The following ENTPD1 variants were observed in gnomAD, a reference collection of about 807,000 sequenced individuals.
ENTPD1 encodes the protein ATP diphosphohydrolase.
In ENTPD1, 33 loss-of-function variants were observed where a neutral mutation model predicts 57.0. That is an observed-to-expected ratio of 0.58 (90% confidence interval 0.44 to 0.77). The LOEUF is 0.77. Ranked by LOEUF, ENTPD1 falls within the 30% of genes least tolerant of loss-of-function variation. The pLI, the probability that ENTPD1 is intolerant of heterozygous loss-of-function variation, is 0.00. For synonymous variants in ENTPD1, 202 were observed against 218.8 expected (o/e 0.92, Z 0.68); for missense variants, 501 against 603.4 (o/e 0.83, Z 1.78).
At chr10:95,814,402 C>T (rs999628794) in intron 1 of ENTPD1, among the ~76,000 whole-genome samples, 3 of 151,740 alleles carry the variant, frequency 2.0e-5, no homozygotes, top group Admixed American at 2.0e-4. Flanking sequence ...TTGATTTTTG[C>T]GATCATTAAC....
chr10:95,768,835 C>T (rs1366067969), intron 1 of ENTPD1, among the ~76,000 whole-genome samples: 2 of 152,128 alleles, frequency 1.3e-5, no homozygotes. Flanking sequence ...TAATCTAAGG[C>T]CTTATCCTTG....
rs1181821025 is a variant in ENTPD1 at position 95,869,267 on chromosome 10, T to G, written c.*2884T>G. The G allele has an allele frequency of 1.7e-6, 1 of 603,574 alleles. No individual in the cohort carries two copies. The highest frequency in any genetic ancestry group is 3.1e-5 in the African/African-American group (1 of 31,966). The allele number at this position is 603,574 out of a possible 1,614,324, so 37.4% of individuals were successfully genotyped here. A position where few individuals can be genotyped will look rare whatever the true frequency, so the allele number is the denominator to read the frequency against. On this transcript the variant is annotated 3_prime_UTR_variant, in exon 10 of 10. Coordinates refer to ENST00000371205, the MANE Select transcript of ENTPD1 (RefSeq NM_001776.6). ...TTTTTTTTTTTTTTTTTTTTTTTTT[T>G]GAGAGAGAGTCTCACTCCATTGCCC...
At chr10:95,705,584 C>T in the ENTPD1 span, among the ~76,000 whole-genome samples, 12 of 152,076 alleles carry the variant, frequency 7.9e-5, no homozygotes, top group East Asian at 1.9e-4. Flanking sequence ...CTCCACCTCC[C>T]GGGTTCAAGC....
chr10:95,875,367 T>A lies in ENTPD1; in HGVS notation c.*8984T>A, dbSNP rs1262034476. The A allele has an allele frequency of 6.6e-6, 1 of 152,268 alleles. No homozygotes were observed. Among genetic ancestry groups the A allele is most frequent in the Non-Finnish European group, 1.5e-5 (1 of 68,114 alleles). 9.4% of individuals were successfully genotyped at this position (152,268 alleles called of 1,614,324 possible). A position where few individuals can be genotyped will look rare whatever the true frequency, so the allele number is the denominator to read the frequency against. ...GGTGAAATGCTGCCAGTCTCCTTGC[T>A]AAAACATAACAAGGGTCACCTTTAC... On this transcript the variant is annotated 3_prime_UTR_variant, in exon 10 of 10. Transcript: ENST00000371205.
At chr10:95,750,358 TC>T in intron 1 of ENTPD1, among the ~76,000 whole-genome samples, 1 of 152,240 alleles carries the variant, frequency 6.6e-6, no homozygotes, top group Middle Eastern at 3.4e-3. Context: ...TGGGGGCAGA[TC>T]CCTCATGAAT....
At chr10:95,708,916 CA>C (rs1343195365), upstream of ENTPD1, among the ~76,000 whole-genome samples, 8 of 152,150 alleles carry the variant, frequency 5.3e-5, no homozygotes, top group Admixed American at 1.3e-4. Flanking sequence ...GCTCTGGTAG[CA>C]AAAGAACAGC....
At chr10:95,845,247 C>T in intron 5 of ENTPD1, 110 bp from the exon 6 acceptor site, 14 of 1,503,160 alleles carry the variant, frequency 9.3e-6, no homozygotes, top group Non-Finnish European at 1.2e-5. Context: ...AGCTTTGCCT[C>T]ACCTTTATGC....
At chr10:95,811,084 A>G (rs2098304759) in intron 1 of ENTPD1, among the ~76,000 whole-genome samples, 1 of 152,234 alleles carries the variant, frequency 6.6e-6, no homozygotes, top group African/African-American at 2.4e-5. Flanking sequence ...TAATTGCATG[A>G]CCATATCTTA....
At chr10:95,817,328 C>T (rs2098333396) in intron 1 of ENTPD1, among the ~76,000 whole-genome samples, 1 of 152,216 alleles carries the variant, frequency 6.6e-6, no homozygotes, top group African/African-American at 2.4e-5. Flanking sequence ...GCTCTGTCCA[C>T]ACTTGGCTGT....
chr10:95,804,682 C>A (rs2098264903), intron 1 of ENTPD1, among the ~76,000 whole-genome samples: 1 of 152,112 alleles, frequency 6.6e-6, no homozygotes, highest in Non-Finnish European at 1.5e-5. Context: ...CTTTCTCTGG[C>A]CTGATTGCCC....
intron 1 of ENTPD1, among the ~76,000 whole-genome samples, chr10:95,750,614 G>T (rs1321937665): frequency 2.0e-5 from 3 of 152,114 alleles, no homozygotes; most frequent in Non-Finnish European, 4.4e-5. Context: ...TTTCTTTATT[G>T]CAATGCAAAA....
chr10:95,746,389 C>T (rs998068349), intron 1 of ENTPD1, among the ~76,000 whole-genome samples: 1 of 152,094 alleles, frequency 6.6e-6, no homozygotes, highest in Admixed American at 6.6e-5. Context: ...GCTAACTTGT[C>T]TAAGATCATA....
intron 1 of ENTPD1, among the ~76,000 whole-genome samples, chr10:95,738,699 G>A (rs1469726361): frequency 6.6e-6 from 1 of 152,144 alleles, no homozygotes; most frequent in African/African-American, 2.4e-5. Flanking sequence ...TGCCAGAAGG[G>A]TAAGATGAGA....
chr10:95,811,704 A>C (rs2098308764), intron 1 of ENTPD1, among the ~76,000 whole-genome samples: 1 of 152,184 alleles, frequency 6.6e-6, no homozygotes, highest in Non-Finnish European at 1.5e-5. Flanking sequence ...TTTTTCACAT[A>C]ATGAAATGTT....
At chr10:95,835,323 C>A (rs2098407217) in intron 2 of ENTPD1, among the ~76,000 whole-genome samples, 1 of 152,174 alleles carries the variant, frequency 6.6e-6, no homozygotes, top group South Asian at 2.1e-4. Flanking sequence ...ACCACATTTT[C>A]TTTATACAAT....
intron 5 of ENTPD1, chr10:95,844,989 A>C: frequency 2.1e-6 from 1 of 467,398 alleles, no homozygotes; most frequent in Non-Finnish European, 3.9e-6. Flanking sequence ...CCTTAGAACA[A>C]CACTATGAGG....
At chr10:95,762,390 GTTTTTT>G (rs5787157) in intron 1 of ENTPD1, among the ~76,000 whole-genome samples, 1 of 134,652 alleles carries the variant, frequency 7.4e-6, no homozygotes, top group Non-Finnish European at 1.6e-5. Flanking sequence ...TTTCCTGGCA[GTTTTTT>G]TTTTTTTTTT....
At chr10:95,820,094 C>T (rs1398161857) in intron 1 of ENTPD1, among the ~76,000 whole-genome samples, 1 of 152,098 alleles carries the variant, frequency 6.6e-6, no homozygotes, top group Non-Finnish European at 1.5e-5. Flanking sequence ...CAACCTGCAC[C>T]CCACCTCTAG....
At chr10:95,715,797 T>C (rs139221046) in intron 1 of ENTPD1, among the ~76,000 whole-genome samples, 2 of 152,302 alleles carry the variant, frequency 1.3e-5, no homozygotes, top group Non-Finnish European at 2.9e-5. Flanking sequence ...AAAGAAATCC[T>C]GTATCTATAA....
Sources: allele counts gnomAD v4.1 joint callset (sites outside exome capture counted in the v4.1 genomes callset), GRCh38; gene constraint gnomAD v4.1.1; transcripts MANE v1.5; gene names NCBI Gene and HGNC (gene_info 2026-07-23, HGNC 2026-07-21).